SLC10A7: variants seen among roughly 807,000 people sequenced by gnomAD.
The protein encoded by SLC10A7 is sodium/bile acid cotransporter 7.
SLC10A7 carries 29 observed loss-of-function variants against 43.2 expected under a neutral mutation model. That is an observed-to-expected ratio of 0.67 (90% confidence interval 0.50 to 0.92). SLC10A7 has a LOEUF of 0.92. SLC10A7 is among the 40% of genes least tolerant of loss of function. SLC10A7 has a pLI of 0.00. For missense variants in SLC10A7, 295 were observed against 403.2 expected, an observed-to-expected ratio of 0.73 and a Z score of 2.30; for synonymous variants, 152 against 144.8, an observed-to-expected ratio of 1.05 and a Z score of -0.35.
chr4:146,498,423 A>G (rs535419948), intron 4 of SLC10A7, among the ~76,000 whole-genome samples: 166 of 152,140 alleles, frequency 1.1e-3, no homozygotes, highest in African/African-American at 3.9e-3. Flanking sequence ...CGGCCTTATT[A>G]CTTTTTCTAT....
intron 10 of SLC10A7, among the ~76,000 whole-genome samples, chr4:146,271,111 TCTACA>T: frequency 6.6e-6 from 1 of 152,328 alleles, no homozygotes; most frequent in South Asian, 2.1e-4. Context: ...AGCTCTTTTC[TCTACA>T]CATTCCCTTA....
intron 5 of SLC10A7, among the ~76,000 whole-genome samples, chr4:146,327,995 G>A (rs1277856713): frequency 2.6e-5 from 4 of 152,260 alleles, no homozygotes; most frequent in African/African-American, 9.6e-5. Flanking sequence ...AAGTGCACTG[G>A]CACCTCTGCA....
Position 146,276,379 on chromosome 4 carries a change from G to A in SLC10A7, c.847+6813C>T, listed in dbSNP as rs542328747. 8.5e-5 allele frequency among the ~76,000 whole-genome samples: 13 copies of A among 152,160 alleles called. No individual in the cohort carries two copies. In the South Asian group the frequency reaches 1.5e-3, roughly 17 times the overall value. On this transcript the variant is annotated intron_variant, in intron 10 of 11. Transcript: ENST00000335472. Reference sequence around the variant, plus strand: ...CTGGCACTGAAGTCTAAACTAACAAGTACATACATAATTACCACACTGTCC... The same window carrying A: ...CTGGCACTGAAGTCTAAACTAACAAATACATACATAATTACCACACTGTCC...
chr4:146,306,959 G>A (rs1731620692), intron 6 of SLC10A7, among the ~76,000 whole-genome samples: 1 of 152,066 alleles, frequency 6.6e-6, no homozygotes, highest in African/African-American at 2.4e-5. Context: ...AGTTACACTT[G>A]GAAATATCTT....
chr4:146,284,692 G>A (rs1729773232), intron 9 of SLC10A7, among the ~76,000 whole-genome samples: 1 of 152,082 alleles, frequency 6.6e-6, no homozygotes, highest in Admixed American at 6.6e-5. Flanking sequence ...AATAAGACTG[G>A]CTTAATTGTT....
At chr4:146,484,702 T>C (rs1361181633) in intron 4 of SLC10A7, among the ~76,000 whole-genome samples, 1 of 152,160 alleles carries the variant, frequency 6.6e-6, no homozygotes, top group African/African-American at 2.4e-5. Context: ...AGGTAAGTAT[T>C]GATTTTTTTA....
intron 6 of SLC10A7, among the ~76,000 whole-genome samples, chr4:146,318,523 C>G (rs190218861): frequency 2.3e-4 from 35 of 152,204 alleles, no homozygotes; most frequent in African/African-American, 7.9e-4. Flanking sequence ...GAATCTCTTA[C>G]TATTGCAGTG....
At chr4:146,291,442 AGT>A (rs1312880931) in intron 9 of SLC10A7, among the ~76,000 whole-genome samples, 4 of 152,166 alleles carry the variant, frequency 2.6e-5, no homozygotes, top group Admixed American at 2.6e-4. Context: ...GTGAGAGCCA[AGT>A]GCCTAATGTG....
intron 5 of SLC10A7, among the ~76,000 whole-genome samples, chr4:146,340,262 TA>T: frequency 6.6e-6 from 1 of 151,896 alleles, no homozygotes; most frequent in East Asian, 1.9e-4. Flanking sequence ...GGAAAGGCAA[TA>T]ATAGCAAAAG....
chr4:146,432,100 A>G (rs1729824052), intron 5 of SLC10A7, among the ~76,000 whole-genome samples: 1 of 152,224 alleles, frequency 6.6e-6, no homozygotes, highest in Non-Finnish European at 1.5e-5. Context: ...CTACACACCT[A>G]TTAGAATGGC....
chr4:146,421,753 A>C (rs1319843766), intron 5 of SLC10A7, among the ~76,000 whole-genome samples: 2 of 152,228 alleles, frequency 1.3e-5, no homozygotes, highest in Non-Finnish European at 2.9e-5. Context: ...AACAGTGAGC[A>C]TAACAGGCAT....
rs2111185192 is a variant in SLC10A7 at position 146,292,962 on chromosome 4, C to T, written c.740G>A (p.Ser247Asn). The T allele has an allele frequency of 1.3e-6, 2 of 1,591,252 alleles. No homozygotes were observed. Among genetic ancestry groups the T allele is most frequent in the South Asian group, 2.2e-5 (2 of 89,170 alleles). Residue 247 changes from serine to asparagine, a missense_variant, in exon 9 of 12, where the codon AGT becomes AAT. Ser to Asn is a conservative substitution (Grantham distance 46, BLOSUM62 1). This residue lies in a region of SLC10A7 where 242 missense variants were observed against 362.5 expected (regional missense o/e 0.67). Coordinates refer to ENST00000335472, the MANE Select transcript of SLC10A7 (RefSeq NM_001029998.6). Reference sequence around the variant, plus strand: ...AAAGATGAAAGTTAAAAGCATAAAACTCAGCTGGATAGAAAATACTGAAGA... The same window carrying T: ...AAAGATGAAAGTTAAAAGCATAAAATTCAGCTGGATAGAAAATACTGAAGA... Reference protein sequence around the residue: ...ILFIIFSIQLSFMLLTFIFST... With the variant: ...ILFIIFSIQLNFMLLTFIFST...
Position 146,305,018 on chromosome 4 carries a change from G to A in SLC10A7, c.555+908C>T, listed in dbSNP as rs575804812. ...CAACCATTGTGGAAGTCAGTGTGGC[G>A]ATTCCTCGGGGATCTAGAACTAGAA... On this transcript the variant is annotated intron_variant, in intron 7 of 11. Transcript: ENST00000335472. 2.7e-3 allele frequency among the ~76,000 whole-genome samples: 406 copies of A among 151,894 alleles called. 1 individual carries two copies. The highest frequency in any genetic ancestry group is 9.2e-3 in the African/African-American group (379 of 41,412).
intron 5 of SLC10A7, among the ~76,000 whole-genome samples, chr4:146,439,156 A>G (rs1437854390): frequency 6.6e-6 from 1 of 152,054 alleles, no homozygotes; most frequent in African/African-American, 2.4e-5. Context: ...TCTCAAATTT[A>G]TGTAAATTGA....
intron 4 of SLC10A7, among the ~76,000 whole-genome samples, chr4:146,445,918 C>T (rs947660696): frequency 6.1e-5 from 9 of 147,480 alleles, no homozygotes; most frequent in Non-Finnish European, 1.3e-4. Flanking sequence ...TGTGTGTGCA[C>T]GTGCGCACGC....
In SLC10A7 at chr4:146,292,964, C is replaced by T. The variant is rs2111185209; in HGVS notation, c.738G>A (p.Leu246=). 1.3e-6 allele frequency: 2 copies of T among 1,590,612 alleles called. No individual in the cohort carries two copies. Among genetic ancestry groups the T allele is most frequent in the Non-Finnish European group, 1.7e-6 (2 of 1,162,748 alleles). The change falls in exon 9 of 12, where the codon CTG becomes CTA. Residue 246 remains leucine, a synonymous_variant. Coordinates refer to ENST00000335472, the MANE Select transcript of SLC10A7 (RefSeq NM_001029998.6). The stretch of plus-strand genomic sequence containing the variant: ...AGATGAAAGTTAAAAGCATAAAACT[C>T]AGCTGGATAGAAAATACTGAAGAAA... ...LILFIIFSIQ[L]SFMLLTFIFS...
chr4:146,396,338 C>A (rs1326857738), intron 5 of SLC10A7, among the ~76,000 whole-genome samples: 2 of 152,048 alleles, frequency 1.3e-5, no homozygotes, highest in Non-Finnish European at 2.9e-5. Context: ...AAGAGAATAT[C>A]TAAATAAAAA....
chr4:146,316,938 C>G (rs1391616361), intron 6 of SLC10A7, among the ~76,000 whole-genome samples: 1 of 151,994 alleles, frequency 6.6e-6, no homozygotes, highest in Non-Finnish European at 1.5e-5. Context: ...CAATATGCTT[C>G]CACAAAAATT....
At position 146,517,258 on chromosome 4, in the gene SLC10A7, T is replaced by G. The variant is rs915985477; in HGVS notation, c.101-138A>C. The G allele has an allele frequency of 5.5e-6, 3 of 543,464 alleles. No individual in the cohort carries two copies. In the African/African-American group the frequency reaches 5.8e-5, roughly 10 times the overall value. The allele number at this position is 543,464 out of a possible 1,614,324, so 33.7% of individuals were successfully genotyped here. On this transcript the variant is annotated intron_variant, in intron 1 of 11. Transcript: ENST00000335472. ...CGAGTAGAGCACTTGAGGCCAGGAG[T>G]TCAAGACCAGCCTGACCAACATGGC...
Sources: allele counts gnomAD v4.1 joint callset (sites outside exome capture counted in the v4.1 genomes callset), GRCh38; gene constraint gnomAD v4.1.1; regional missense constraint gnomAD v4.1.1; transcripts MANE v1.5; gene names NCBI Gene and HGNC (gene_info 2026-07-23, HGNC 2026-07-21).